CHST9: variants seen among roughly 807,000 people sequenced by gnomAD.
CHST9 encodes carbohydrate sulfotransferase 9.
Under a neutral mutation model 44.4 loss-of-function variants are expected in CHST9, and 41 were observed. The ratio of observed to expected loss-of-function variants is 0.92; its 90% CI spans 0.72 to 1.20. The LOEUF (loss-of-function observed/expected upper bound fraction) is 1.20. CHST9 is among the 50% of genes most tolerant of loss of function. The pLI is 0.00. For missense variants in CHST9, 504 were observed against 516.5 expected (o/e 0.98, Z 0.23); for synonymous variants, 171 against 178.4 (o/e 0.96, Z 0.33).
At chr18:27,050,163 A>G (rs2057548776) in intron 2 of CHST9, among the ~76,000 whole-genome samples, 1 of 152,132 alleles carries the variant, frequency 6.6e-6, no homozygotes, top group African/African-American at 2.4e-5. Context: ...GAGAAAGTGG[A>G]GCTGAGGACA....
At chr18:27,158,238 A>G (rs1051941262) in intron 1 of CHST9, among the ~76,000 whole-genome samples, 8 of 152,030 alleles carry the variant, frequency 5.3e-5, no homozygotes, top group Non-Finnish European at 8.8e-5. Context: ...ATATCTCCCA[A>G]TGCTATCCCT....
intron 4 of CHST9, among the ~76,000 whole-genome samples, chr18:26,948,285 A>C (rs189032032): frequency 6.6e-6 from 1 of 152,288 alleles, no homozygotes; most frequent in African/African-American, 2.4e-5. Flanking sequence ...ATTAGGAGAA[A>C]TATCTAATGT....
At chr18:26,938,387 G>C (rs897264010) in intron 5 of CHST9, among the ~76,000 whole-genome samples, 1 of 152,040 alleles carries the variant, frequency 6.6e-6, no homozygotes, top group Non-Finnish European at 1.5e-5. Context: ...CTCGTAAATT[G>C]GATAGCTTTT....
chr18:27,030,785 G>A (rs2057332464), intron 3 of CHST9, among the ~76,000 whole-genome samples: 1 of 152,162 alleles, frequency 6.6e-6, no homozygotes, highest in Non-Finnish European at 1.5e-5. Flanking sequence ...AGGGGTGGAG[G>A]GCCTGATCCC....
rs146714939 is a variant in CHST9, at chr18:27,006,252, T to G, written c.202+17864A>C. Among the ~76,000 whole-genome samples, 582 of 152,276 alleles carry G rather than the reference T, an allele frequency of 3.8e-3. 3 individuals carry two copies. The highest frequency in any genetic ancestry group is 0.014 in the African/African-American group (567 of 41,544). On this transcript the variant is annotated intron_variant, in intron 4 of 5. Coordinates refer to ENST00000618847, the MANE Select transcript of CHST9 (RefSeq NM_031422.6). Reference sequence around the variant, plus strand: ...GGCTTTATTAATTTTATTTATTTATTTATTTGGTCAGCATCAAGTGCCCAA... The same window carrying G: ...GGCTTTATTAATTTTATTTATTTATGTATTTGGTCAGCATCAAGTGCCCAA...
chr18:26,961,652 T>C (rs2056402048), intron 4 of CHST9, among the ~76,000 whole-genome samples: 1 of 152,204 alleles, frequency 6.6e-6, no homozygotes, highest in South Asian at 2.1e-4. Flanking sequence ...GTTCCCAAAC[T>C]CCTGGGCTCA....
intron 1 of CHST9, chr18:27,147,550 C>G (rs1008149500): frequency 6.6e-6 from 1 of 152,262 alleles, no homozygotes; most frequent in Non-Finnish European, 1.5e-5. Context: ...CTCCTTCCCA[C>G]TCTCTGAGTA....
chr18:26,916,498 C>G lies in CHST9; in HGVS notation c.1093G>C (p.Asp365His). The change falls in exon 6 of 6, where the codon GAT (aspartate) becomes CAT (histidine). Residue 365 changes from aspartate to histidine, a missense_variant. Coordinates refer to ENST00000618847, the MANE Select transcript of CHST9 (RefSeq NM_031422.6). ...AAAGTCTCAAATTTCCCTACAAAAT[C>G]ATAGTTGATCAAACACGGATAGCAG... The part of the protein sequence containing the change: ...KLCYPCLINY[D>H]FVGKFETLEE... The G allele has an allele frequency of 6.2e-7, 1 of 1,613,772 alleles. No homozygotes were observed. Among genetic ancestry groups the G allele is most frequent in the Non-Finnish European group, 8.5e-7 (1 of 1,179,772 alleles).
At chr18:27,109,076 T>C (rs2058247031) in intron 2 of CHST9, among the ~76,000 whole-genome samples, 2 of 152,084 alleles carry the variant, frequency 1.3e-5, no homozygotes, top group South Asian at 2.1e-4. Flanking sequence ...GCTGAGGAGG[T>C]CAGAAGTCTT....
chr18:27,131,986 T>C (rs1455887852), intron 2 of CHST9, among the ~76,000 whole-genome samples: 1 of 152,196 alleles, frequency 6.6e-6, no homozygotes, highest in African/African-American at 2.4e-5. Flanking sequence ...ATGTATTAAT[T>C]TATGTCTTTG....
At chr18:27,047,689 G>A (rs1183699170) in intron 3 of CHST9, among the ~76,000 whole-genome samples, 1 of 152,026 alleles carries the variant, frequency 6.6e-6, no homozygotes, top group Non-Finnish European at 1.5e-5. Context: ...GGGAGTGATT[G>A]GTAGCTCTTG....
intron 4 of CHST9, among the ~76,000 whole-genome samples, chr18:27,001,329 A>G (rs1421161532): frequency 5.9e-5 from 9 of 152,208 alleles, no homozygotes; most frequent in Non-Finnish European, 1.0e-4. Flanking sequence ...GAAAAGAGGC[A>G]TGACCCTCGG....
intron 5 of CHST9, among the ~76,000 whole-genome samples, chr18:26,931,990 G>A (rs1422550596): frequency 6.6e-6 from 1 of 151,976 alleles, no homozygotes; most frequent in Non-Finnish European, 1.5e-5. Flanking sequence ...TGTAACTATA[G>A]GAGTGTTTCC....
chr18:27,001,610 G>A (rs1363224095), intron 4 of CHST9, among the ~76,000 whole-genome samples: 1 of 150,918 alleles, frequency 6.6e-6, no homozygotes, highest in Non-Finnish European at 1.5e-5. Flanking sequence ...CATGGGGCTT[G>A]GAGTAAAGGC....
chr18:27,040,668 A>T (rs185059475), intron 3 of CHST9, among the ~76,000 whole-genome samples: 3 of 152,264 alleles, frequency 2.0e-5, no homozygotes, highest in East Asian at 3.9e-4. Flanking sequence ...AAATAATCAG[A>T]CAATGTATAT....
chr18:26,943,698 G>T (rs1293115643), intron 5 of CHST9, among the ~76,000 whole-genome samples: 1 of 152,162 alleles, frequency 6.6e-6, no homozygotes, highest in Admixed American at 6.5e-5. Context: ...ATGCTTTTGG[G>T]GAAGGCCTCT....
chr18:27,101,829 A>C (rs1230735311), intron 2 of CHST9, among the ~76,000 whole-genome samples: 1 of 152,178 alleles, frequency 6.6e-6, no homozygotes, highest in East Asian at 1.9e-4. Flanking sequence ...AAATGCTCTT[A>C]GTCATCATGT....
chr18:26,983,234 C>A (rs2056714241), intron 4 of CHST9, among the ~76,000 whole-genome samples: 1 of 152,178 alleles, frequency 6.6e-6, no homozygotes, highest in African/African-American at 2.4e-5. Flanking sequence ...ACCTGCAGAA[C>A]TTATTAAAGT....
chr18:26,949,396 T>C (rs138300951), intron 4 of CHST9, among the ~76,000 whole-genome samples: 495 of 151,536 alleles, frequency 3.3e-3, no homozygotes, highest in Middle Eastern at 3.4e-3. Context: ...TTTTTTTTAA[T>C]TAGCTGGGTG....
Sources: gnomAD v4.1 joint callset for allele counts (sites outside exome capture counted in the v4.1 genomes callset) on GRCh38, gnomAD v4.1.1 for gene constraint, MANE v1.5 for transcripts, NCBI Gene and HGNC (gene_info 2026-07-23, HGNC 2026-07-21) for gene names.